Variants in COL26A1 observed in about 807,000 individuals in gnomAD.
COL26A1 encodes collagen type XXVI alpha 1 chain, also known as collagen alpha-1(XXVI) chain.
COL26A1 carries 41 observed loss-of-function variants against 59.3 expected under a neutral mutation model. The observed-to-expected ratio is 0.69, with a 90% confidence interval of 0.54 to 0.90. The LOEUF (loss-of-function observed/expected upper bound fraction) is 0.90, where lower values mean the gene tolerates loss of function less well. COL26A1 is among the 40% of genes least tolerant of loss of function. COL26A1 has a pLI of 0.00. For missense variants in COL26A1, 612 were observed against 602.3 expected (o/e 1.02, Z -0.17); for synonymous variants, 266 against 256.0 (o/e 1.04, Z -0.37).
At chr7:101,413,692 G>A (rs983604586) in intron 1 of COL26A1, among the ~76,000 whole-genome samples, 2 of 152,156 alleles carry the variant, frequency 1.3e-5, no homozygotes, top group Admixed American at 1.3e-4. Flanking sequence ...AGGGAAATGA[G>A]GAAGGAACAT....
At chr7:101,417,152 A>G (rs1792389539) in intron 1 of COL26A1, among the ~76,000 whole-genome samples, 1 of 152,096 alleles carries the variant, frequency 6.6e-6, no homozygotes, top group Non-Finnish European at 1.5e-5. Flanking sequence ...GATGTGATTT[A>G]TTGCCTGTTG....
At chr7:101,542,035 C>A (rs192904041) in intron 5 of COL26A1, among the ~76,000 whole-genome samples, 1 of 151,936 alleles carries the variant, frequency 6.6e-6, no homozygotes, top group East Asian at 1.9e-4. Context: ...GTCGTGATCT[C>A]GGCTCACTGC....
chr7:101,558,553 G>A lies in COL26A1; in HGVS notation c.*1023G>A, dbSNP rs1043283863. 6.6e-6 allele frequency: 1 copy of A among 152,260 alleles called. No individual in the cohort carries two copies. Among genetic ancestry groups the A allele is most frequent in the African/African-American group, 2.4e-5 (1 of 41,460 alleles). The allele number at this position is 152,260 out of a possible 1,614,324, so 9.4% of individuals were successfully genotyped here. ...GTGTCCCCTTTGCAAGCTGCAGAGA[G>A]GGAAACAGAGTCCCAGGCCTGCTGG... On this transcript the variant is annotated 3_prime_UTR_variant, in exon 13 of 13. Transcript: ENST00000313669.
chr7:101,533,016 G>A, intron 3 of COL26A1, 66 bp from the exon 4 acceptor site: 1 of 1,254,152 alleles, frequency 8.0e-7, no homozygotes, highest in South Asian at 1.3e-5. Context: ...GGCTATCCTG[G>A]TGACTGGGCT....
intron 2 of COL26A1, among the ~76,000 whole-genome samples, chr7:101,431,822 C>T (rs1008894448): frequency 1.3e-5 from 2 of 151,806 alleles, no homozygotes; most frequent in Admixed American, 6.6e-5. Context: ...ATGGGGGTCT[C>T]GTTTTGTTGC....
chr7:101,503,196 C>T (rs996374363), intron 3 of COL26A1, among the ~76,000 whole-genome samples: 1 of 152,226 alleles, frequency 6.6e-6, no homozygotes, highest in South Asian at 2.1e-4. Flanking sequence ...GGGGTCCCCT[C>T]TCGCCTCTGT....
At chr7:101,437,450 G>T (rs2130344291) in intron 2 of COL26A1, among the ~76,000 whole-genome samples, 1 of 151,412 alleles carries the variant, frequency 6.6e-6, no homozygotes, top group Middle Eastern at 3.4e-3. Flanking sequence ...TCTGAATCGG[G>T]CGGAGTTCTG....
chr7:101,392,903 C>G (rs187926439), intron 1 of COL26A1, among the ~76,000 whole-genome samples: 5 of 150,008 alleles, frequency 3.3e-5, no homozygotes, highest in Admixed American at 2.6e-4. Context: ...AAGTCCTAAT[C>G]CCTGCAACCT....
chr7:101,542,036 G>A (rs941165551), intron 5 of COL26A1, among the ~76,000 whole-genome samples: 1 of 151,382 alleles, frequency 6.6e-6, no homozygotes, highest in South Asian at 2.1e-4. Flanking sequence ...TCGTGATCTC[G>A]GCTCACTGCA....
intron 3 of COL26A1, among the ~76,000 whole-genome samples, chr7:101,503,745 T>C (rs906740702): frequency 6.6e-6 from 1 of 152,144 alleles, no homozygotes; most frequent in African/African-American, 2.4e-5. Flanking sequence ...CACACAAGAT[T>C]GCCTCAAGGG....
chr7:101,400,316 C>G (rs11772003), intron 1 of COL26A1, among the ~76,000 whole-genome samples: 17,108 of 150,278 alleles, frequency 0.11, 1,621 homozygotes, highest in African/African-American at 0.26. Flanking sequence ...TTTGTCCCTT[C>G]CAGACCTCAG....
intron 5 of COL26A1, 137 bp from the exon 6 acceptor site, chr7:101,543,861 C>G: frequency 1.7e-6 from 1 of 587,680 alleles, no homozygotes; most frequent in Non-Finnish European, 3.1e-6. Flanking sequence ...GATGTGAGTG[C>G]CTTTGCCTGT....
chr7:101,392,614 C>G (rs10266418), intron 1 of COL26A1, among the ~76,000 whole-genome samples: 9,326 of 151,894 alleles, frequency 0.061, 654 homozygotes, highest in African/African-American at 0.16. Flanking sequence ...ATTGGCCAGG[C>G]TAGTGTCAAA....
intron 2 of COL26A1, among the ~76,000 whole-genome samples, chr7:101,425,144 T>G (rs555316715): frequency 1.4e-5 from 2 of 147,776 alleles, no homozygotes; most frequent in East Asian, 3.9e-4. Context: ...CCTATAACTT[T>G]GGGAGGCTCA....
At chr7:101,544,939 C>T (rs1185426061) in intron 6 of COL26A1, among the ~76,000 whole-genome samples, 2 of 152,170 alleles carry the variant, frequency 1.3e-5, no homozygotes, top group East Asian at 1.9e-4. Flanking sequence ...ACCCTCTCAA[C>T]TCCTCCTGGG....
intron 3 of COL26A1, among the ~76,000 whole-genome samples, chr7:101,469,498 T>C (rs1053821255): frequency 8.8e-4 from 131 of 149,284 alleles, no homozygotes; most frequent in East Asian, 1.6e-3. Context: ...TTTCTCTCTT[T>C]TTTTTTTTTT....
chr7:101,474,065 G>A (rs138724892), intron 3 of COL26A1, among the ~76,000 whole-genome samples: 2 of 152,250 alleles, frequency 1.3e-5, no homozygotes, highest in Non-Finnish European at 2.9e-5. Context: ...AAGCATGTAC[G>A]GCTGGCAAAG....
At chr7:101,497,971 G>A (rs1203677731) in intron 3 of COL26A1, among the ~76,000 whole-genome samples, 2 of 152,178 alleles carry the variant, frequency 1.3e-5, no homozygotes, top group Middle Eastern at 3.2e-3. Flanking sequence ...GCAACAGAGC[G>A]AGACCCTATA....
chr7:101,470,190 C>G (rs1013556964), intron 3 of COL26A1, among the ~76,000 whole-genome samples: 1 of 151,462 alleles, frequency 6.6e-6, no homozygotes, highest in African/African-American at 2.4e-5. Context: ...ACCTCTGCCT[C>G]CCAGGTTCAA....
Sources: allele counts gnomAD v4.1 joint callset (sites outside exome capture counted in the v4.1 genomes callset), GRCh38; gene constraint gnomAD v4.1.1; transcripts MANE v1.5; gene names NCBI Gene and HGNC (gene_info 2026-07-23, HGNC 2026-07-21).